NCAM2: variants seen among roughly 807,000 people sequenced by gnomAD.
The protein encoded by NCAM2 is neural cell adhesion molecule 2.
A neutral mutation model predicts 98.1 loss-of-function variants in NCAM2; 30 were observed. The ratio of observed to expected loss-of-function variants is 0.31; its 90% CI spans 0.23 to 0.41. The LOEUF (loss-of-function observed/expected upper bound fraction) is 0.41. Ranked by LOEUF, NCAM2 falls within the 10% of genes least tolerant of loss-of-function variation. The pLI, the probability that NCAM2 is intolerant of heterozygous loss-of-function variation, is 1.00. For synonymous variants in NCAM2, 368 were observed against 342.4 expected, an observed-to-expected ratio of 1.07 and a Z score of -0.83; for missense variants, 867 against 1,005.8, an observed-to-expected ratio of 0.86 and a Z score of 1.87.
At chr21:21,058,641 A>G (rs1235586916) in intron 1 of NCAM2, among the ~76,000 whole-genome samples, 2 of 149,692 alleles carry the variant, frequency 1.3e-5, no homozygotes, top group Non-Finnish European at 3.0e-5. Context: ...TGTTTGTGGA[A>G]GCAGACTTGC....
intron 16 of NCAM2, among the ~76,000 whole-genome samples, chr21:21,513,124 A>G (rs1602534544): frequency 6.6e-6 from 1 of 152,174 alleles, no homozygotes; most frequent in East Asian, 1.9e-4. Flanking sequence ...CTACGTTAAT[A>G]CCAGTGGTGA....
chr21:21,125,413 T>G (rs2066773616), intron 1 of NCAM2, among the ~76,000 whole-genome samples: 3 of 135,668 alleles, frequency 2.2e-5, no homozygotes, highest in East Asian at 2.0e-4. Flanking sequence ...ATATAATATT[T>G]TACATATATT....
intron 1 of NCAM2, among the ~76,000 whole-genome samples, chr21:21,067,405 T>C (rs562990257): frequency 6.6e-6 from 1 of 152,254 alleles, no homozygotes; most frequent in Admixed American, 6.5e-5. Context: ...GCTACTGACA[T>C]ATATAGACAA....
intron 5 of NCAM2, among the ~76,000 whole-genome samples, chr21:21,297,694 G>T (rs932518716): frequency 5.3e-5 from 8 of 150,810 alleles, no homozygotes; most frequent in African/African-American, 1.9e-4. Context: ...CCCACCATCT[G>T]ATTCCTAGGC....
chr21:21,393,318 T>C (rs1358926244), intron 9 of NCAM2, among the ~76,000 whole-genome samples: 2 of 152,182 alleles, frequency 1.3e-5, no homozygotes, highest in Admixed American at 6.5e-5. Flanking sequence ...TCTGCTCTTG[T>C]ATCAGTACCA....
At chr21:21,289,551 A>G (rs1208295353) in intron 4 of NCAM2, among the ~76,000 whole-genome samples, 6 of 151,964 alleles carry the variant, frequency 3.9e-5, no homozygotes, top group Non-Finnish European at 7.4e-5. Context: ...ACCATGTGCA[A>G]TGGCCCAGAG....
At chr21:21,233,974 G>A (rs995224264) in intron 1 of NCAM2, among the ~76,000 whole-genome samples, 3 of 151,530 alleles carry the variant, frequency 2.0e-5, no homozygotes, top group Non-Finnish European at 4.4e-5. Flanking sequence ...TTTATCAGTA[G>A]GTATATACAG....
intron 5 of NCAM2, among the ~76,000 whole-genome samples, chr21:21,317,816 C>T (rs1419679019): frequency 1.3e-5 from 2 of 152,164 alleles, no homozygotes; most frequent in African/African-American, 2.4e-5. Context: ...ATTACAGGTG[C>T]GAGCCACCAG....
intron 17 of NCAM2, among the ~76,000 whole-genome samples, 181 bp downstream of exon 17, chr21:21,534,837 A>AC (rs1989897471): frequency 6.6e-6 from 1 of 152,160 alleles, no homozygotes; most frequent in Non-Finnish European, 1.5e-5. Flanking sequence ...TTTTTCATGA[A>AC]AACTTTGTAT....
At chr21:21,116,900 C>CAAAT (rs1036850923) in intron 1 of NCAM2, among the ~76,000 whole-genome samples, 14 of 150,766 alleles carry the variant, frequency 9.3e-5, no homozygotes, top group Non-Finnish European at 1.8e-4. Context: ...TTGGACTTTA[C>CAAAT]AAATACTTGA....
Position 21,201,781 on chromosome 21 carries a change from C to T in NCAM2, c.56-78797C>T, listed in dbSNP as rs74913877. On this transcript the variant is annotated intron_variant, in intron 1 of 17. Transcript: ENST00000400546. Reference sequence around the variant, plus strand: ...TGCAGTCACTCCAGATTTTCTTTTTCCAGTATTCTAGAGCAGCAGGTCTCA... The same window carrying T: ...TGCAGTCACTCCAGATTTTCTTTTTTCAGTATTCTAGAGCAGCAGGTCTCA... 0.01 allele frequency among the ~76,000 whole-genome samples: 1,536 copies of T among 152,246 alleles called. 65 individuals carry two copies. The East Asian group carries it at 0.16, about 16-fold the overall frequency.
At chr21:21,275,199 G>T (rs549160313) in intron 1 of NCAM2, among the ~76,000 whole-genome samples, 1 of 152,082 alleles carries the variant, frequency 6.6e-6, no homozygotes, top group Non-Finnish European at 1.5e-5. Flanking sequence ...CCAGCACTTT[G>T]GGAGGCCGAG....
At chr21:21,414,560 C>G (rs1254027888) in intron 10 of NCAM2, among the ~76,000 whole-genome samples, 1 of 149,984 alleles carries the variant, frequency 6.7e-6, no homozygotes, top group Non-Finnish European at 1.5e-5. Flanking sequence ...ACCTCCGCTT[C>G]CCGGGTTCAC....
chr21:21,441,330 C>T (rs1979235351), intron 12 of NCAM2, among the ~76,000 whole-genome samples: 1 of 152,130 alleles, frequency 6.6e-6, no homozygotes, highest in Non-Finnish European at 1.5e-5. Flanking sequence ...AGTTCTGGCA[C>T]AAAGTGATTA....
At chr21:21,265,116 A>AGTATATATG (rs1568855857) in intron 1 of NCAM2, among the ~76,000 whole-genome samples, 2 of 46,006 alleles carry the variant, frequency 4.3e-5, no homozygotes, top group African/African-American at 1.4e-4. Flanking sequence ...ATATATATAC[A>AGTATATATG]TACATATATT....
At chr21:21,528,897 T>C (rs1989475078) in intron 16 of NCAM2, among the ~76,000 whole-genome samples, 1 of 152,154 alleles carries the variant, frequency 6.6e-6, no homozygotes, top group African/African-American at 2.4e-5. Flanking sequence ...AATATAATTA[T>C]ATAACTTCAA....
At chr21:21,521,527 A>G (rs988889898) in intron 16 of NCAM2, among the ~76,000 whole-genome samples, 1 of 152,198 alleles carries the variant, frequency 6.6e-6, no homozygotes, top group African/African-American at 2.4e-5. Context: ...TAAGAACTCT[A>G]ACAGGTAAGG....
chr21:21,269,283 G>A (rs1306891694), intron 1 of NCAM2, among the ~76,000 whole-genome samples: 1 of 152,114 alleles, frequency 6.6e-6, no homozygotes, highest in African/African-American at 2.4e-5. Context: ...CAGAATTGCT[G>A]TTTACTACTT....
At chr21:21,035,424 C>G (rs2064776295) in intron 1 of NCAM2, among the ~76,000 whole-genome samples, 2 of 152,128 alleles carry the variant, frequency 1.3e-5, no homozygotes, top group Non-Finnish European at 2.9e-5. Flanking sequence ...CAAAAACATA[C>G]TTTACCCAAT....
Sources: allele counts gnomAD v4.1 joint callset (sites outside exome capture counted in the v4.1 genomes callset), GRCh38; gene constraint gnomAD v4.1.1; transcripts MANE v1.5; gene names NCBI Gene and HGNC (gene_info 2026-07-23, HGNC 2026-07-21).